Variants in IFT74 observed in about 807,000 individuals in gnomAD.
IFT74 encodes intraflagellar transport protein 74 homolog.
Under a neutral mutation model 96.7 loss-of-function variants are expected in IFT74, and 92 were observed. The observed-to-expected ratio is 0.95, with a 90% confidence interval of 0.80 to 1.13. The LOEUF (loss-of-function observed/expected upper bound fraction) is 1.13. IFT74 is among the 50% of genes most tolerant of loss of function. The pLI is 0.00. For synonymous variants in IFT74, 223 were observed against 213.2 expected (o/e 1.05, Z -0.40); for missense variants, 811 against 698.2 (o/e 1.16, Z -1.82).
intron 3 of IFT74, among the ~76,000 whole-genome samples, chr9:26,979,543 C>G (rs1257704146): frequency 6.6e-6 from 1 of 151,942 alleles, no homozygotes; most frequent in African/African-American, 2.4e-5. Context: ...CTGTGACTTT[C>G]ATTCTTACCT....
chr9:27,016,650 G>A (rs1256251922), intron 10 of IFT74, among the ~76,000 whole-genome samples: 1 of 152,068 alleles, frequency 6.6e-6, no homozygotes, highest in African/African-American at 2.4e-5. Context: ...ACTTATTCAG[G>A]TCTTATATGT....
chr9:27,023,783 C>T (rs1224125043), intron 12 of IFT74, among the ~76,000 whole-genome samples: 1 of 152,158 alleles, frequency 6.6e-6, no homozygotes, highest in Non-Finnish European at 1.5e-5. Flanking sequence ...TGGCCTGAAA[C>T]CACCCCTTCC....
At position 26,984,274 on chromosome 9, in the gene IFT74, T is replaced by A; in HGVS notation, c.323T>A (p.Leu108His). Residue 108 changes from leucine (L) to histidine (H), a missense_variant, in exon 5 of 20, where the codon CTT (leucine) becomes CAT (histidine). Physicochemically the swap from Leu to His is moderately conservative, Grantham distance 99 (BLOSUM62 -3). Coordinates refer to ENST00000380062, the MANE Select transcript of IFT74 (RefSeq NM_025103.4). ...LGLLRSKISE[L>H]TTEVNKLQKG... ...TCTAATAGAAGTAAAATAAGTGAAC[T>A]TACAACTGAAGTTAATAAACTTCAG... 1 of 1,566,616 alleles carries A rather than the reference T, an allele frequency of 6.4e-7. No homozygotes were observed.
intron 1 of IFT74, among the ~76,000 whole-genome samples, chr9:26,948,450 T>TATTATTA (rs201983799): frequency 0.016 from 490 of 31,278 alleles, 3 homozygotes; most frequent in African/African-American, 0.047. Context: ...TTTCCATTAT[T>TATTATTA]TTTTTTTTTT....
chr9:26,961,122 G>C (rs912095611), intron 1 of IFT74, among the ~76,000 whole-genome samples: 1 of 142,168 alleles, frequency 7.0e-6, no homozygotes, highest in African/African-American at 2.7e-5. Flanking sequence ...ATGGAGTCTC[G>C]CTGTGTCGCC....
intron 19 of IFT74, among the ~76,000 whole-genome samples, chr9:27,062,118 A>G (rs997664001): frequency 7.2e-5 from 11 of 152,160 alleles, no homozygotes; most frequent in African/African-American, 2.4e-4. Context: ...AAGGTGTTTT[A>G]GGTACTCTGT....
chr9:26,985,260 T>C (rs1408672545), intron 6 of IFT74, among the ~76,000 whole-genome samples: 1 of 151,972 alleles, frequency 6.6e-6, no homozygotes, highest in Non-Finnish European at 1.5e-5. Context: ...TGATAACACA[T>C]AGATGGGAAC....
chr9:27,018,244 A>G (rs956230181), intron 11 of IFT74, among the ~76,000 whole-genome samples: 2 of 152,230 alleles, frequency 1.3e-5, no homozygotes, highest in Non-Finnish European at 1.5e-5. Context: ...CATGGTACAT[A>G]TATCCTCTCA....
At chr9:27,011,034 G>T (rs1829040731) in intron 9 of IFT74, among the ~76,000 whole-genome samples, 1 of 152,132 alleles carries the variant, frequency 6.6e-6, no homozygotes, top group Admixed American at 6.6e-5. Context: ...CTAAGATACT[G>T]TGAAGCGTTG....
At chr9:26,953,333 G>C (rs1825991071), upstream of IFT74, among the ~76,000 whole-genome samples, 1 of 152,126 alleles carries the variant, frequency 6.6e-6, no homozygotes, top group South Asian at 2.1e-4. Flanking sequence ...TATGACTATA[G>C]CATTATTAAT....
chr9:27,009,367 G>A (rs1264520481), intron 9 of IFT74, among the ~76,000 whole-genome samples: 1 of 152,056 alleles, frequency 6.6e-6, no homozygotes, highest in African/African-American at 2.4e-5. Flanking sequence ...GCTGTTTGAT[G>A]ACCTAGCTTT....
intron 11 of IFT74, among the ~76,000 whole-genome samples, chr9:27,017,778 T>A (rs1381892086): frequency 6.6e-6 from 1 of 152,182 alleles, no homozygotes; most frequent in African/African-American, 2.4e-5. Context: ...TCATGACACA[T>A]GTAACATGTA....
At chr9:26,962,893 C>T (rs927723401) in intron 2 of IFT74, among the ~76,000 whole-genome samples, 1 of 150,486 alleles carries the variant, frequency 6.6e-6, no homozygotes, top group African/African-American at 2.4e-5. Context: ...TATATAGGAT[C>T]AGAATCTTAA....
At chr9:27,012,693 A>G (rs908111702) in intron 10 of IFT74, among the ~76,000 whole-genome samples, 4 of 150,794 alleles carry the variant, frequency 2.7e-5, no homozygotes, top group African/African-American at 7.3e-5. Context: ...GAACAAGAGG[A>G]AAGTAAAAAT....
upstream of IFT74, among the ~76,000 whole-genome samples, chr9:26,953,105 C>T (rs964382829): frequency 1.3e-5 from 2 of 152,032 alleles, no homozygotes; most frequent in African/African-American, 2.4e-5. Flanking sequence ...GGTGTTCTTC[C>T]GGGCCATAAG....
At chr9:27,034,046 T>A (rs1317323153) in intron 13 of IFT74, among the ~76,000 whole-genome samples, 1 of 152,148 alleles carries the variant, frequency 6.6e-6, no homozygotes, top group African/African-American at 2.4e-5. Flanking sequence ...TATTAATATA[T>A]ACACAGTAGG....
chr9:27,041,981 T>G (rs1819499350), intron 13 of IFT74, among the ~76,000 whole-genome samples: 1 of 152,160 alleles, frequency 6.6e-6, no homozygotes, highest in Non-Finnish European at 1.5e-5. Context: ...ATCTTCCAGC[T>G]CAATCTGTTG....
chr9:27,036,602 C>G (rs1819209540), intron 13 of IFT74: 2 of 1,569,718 alleles, frequency 1.3e-6, no homozygotes, highest in East Asian at 4.6e-5. Flanking sequence ...GATCTTCAGT[C>G]TCTCTCTAGC....
intron 8 of IFT74, chr9:26,998,042 C>T (rs1417458698): frequency 2.5e-6 from 4 of 1,613,510 alleles, no homozygotes; most frequent in African/African-American, 2.7e-5. Context: ...GGAGAGGTTA[C>T]CAAAACCGTT....
Sources: allele counts gnomAD v4.1 joint callset (sites outside exome capture counted in the v4.1 genomes callset), GRCh38; gene constraint gnomAD v4.1.1; transcripts MANE v1.5; gene names NCBI Gene and HGNC (gene_info 2026-07-23, HGNC 2026-07-21).